The following KHDRBS2 variants were observed in gnomAD, a reference collection of about 807,000 sequenced individuals.
The protein encoded by KHDRBS2 is KH RNA binding domain containing, signal transduction associated 2.
In KHDRBS2, 26 loss-of-function variants were observed where a neutral mutation model predicts 44.3. The ratio of observed to expected loss-of-function variants is 0.59; its 90% CI spans 0.43 to 0.81. The LOEUF is 0.81. Among genes scored for constraint, KHDRBS2 ranks in the 40% least tolerant of loss-of-function variants. The pLI is 0.00. For missense variants in KHDRBS2, 476 were observed against 433.1 expected (o/e 1.10, Z -0.88); for synonymous variants, 194 against 151.1 (o/e 1.28, Z -2.08).
chr6:61,795,442 G>A (rs2127587183), intron 6 of KHDRBS2, among the ~76,000 whole-genome samples: 4 of 151,818 alleles, frequency 2.6e-5, no homozygotes, highest in South Asian at 4.1e-4. Context: ...TATACACTAA[G>A]AGCTGTGTTT....
At chr6:62,071,868 T>C (rs1562788813) in intron 2 of KHDRBS2, among the ~76,000 whole-genome samples, 1 of 152,176 alleles carries the variant, frequency 6.6e-6, no homozygotes, top group Non-Finnish European at 1.5e-5. Context: ...TTTTTTCCAA[T>C]TCTGTGAAGA....
chr6:62,240,672 G>GTGTATATATATATATATATA (rs1252806819), intron 1 of KHDRBS2, among the ~76,000 whole-genome samples: 1 of 64,164 alleles, frequency 1.6e-5, no homozygotes, highest in Non-Finnish European at 3.1e-5. Flanking sequence ...ATGTGTGTGT[G>GTGTATATATATATATATATA]TATATATATA....
chr6:62,270,187 A>C (rs1166169848), intron 1 of KHDRBS2, among the ~76,000 whole-genome samples: 6 of 151,746 alleles, frequency 4.0e-5, no homozygotes, highest in Admixed American at 3.9e-4. Flanking sequence ...ATCCCTCATT[A>C]ATGGCTTGGT....
chr6:61,830,375 C>T (rs1450670850), intron 6 of KHDRBS2, among the ~76,000 whole-genome samples: 2 of 152,166 alleles, frequency 1.3e-5, no homozygotes, highest in Non-Finnish European at 2.9e-5. Flanking sequence ...TGATACCTAT[C>T]TAAGTCTTCT....
At chr6:61,671,619 C>T in the KHDRBS2 span, among the ~76,000 whole-genome samples, 1 of 151,572 alleles carries the variant, frequency 6.6e-6, no homozygotes, top group Non-Finnish European at 1.5e-5. Flanking sequence ...AAAACTGGTA[C>T]CTGTTACCAA....
intron 1 of KHDRBS2, among the ~76,000 whole-genome samples, chr6:62,214,742 CACAT>C (rs1829686422): frequency 1.3e-5 from 2 of 151,976 alleles, no homozygotes; most frequent in Admixed American, 1.3e-4. Flanking sequence ...AAGTCTCTGT[CACAT>C]ACAGATTTTA....
intron 3 of KHDRBS2, among the ~76,000 whole-genome samples, chr6:62,032,535 T>C (rs1021336106): frequency 1.3e-5 from 2 of 149,532 alleles, no homozygotes; most frequent in Non-Finnish European, 3.0e-5. Flanking sequence ...TATTCATATA[T>C]ATACATATAT....
chr6:62,129,235 T>C (rs753046028), intron 2 of KHDRBS2, among the ~76,000 whole-genome samples: 33 of 152,178 alleles, frequency 2.2e-4, no homozygotes, highest in Non-Finnish European at 4.0e-4. Flanking sequence ...CAACAAGTTA[T>C]ATACTTGATT....
At chr6:61,964,170 T>A (rs1005694593) in intron 4 of KHDRBS2, among the ~76,000 whole-genome samples, 3 of 152,074 alleles carry the variant, frequency 2.0e-5, no homozygotes, top group Admixed American at 1.3e-4. Context: ...GATTTATCAC[T>A]TACAGTTTGT....
intron 4 of KHDRBS2, among the ~76,000 whole-genome samples, chr6:61,933,667 G>A (rs1413697819): frequency 6.6e-6 from 1 of 152,124 alleles, no homozygotes; most frequent in Non-Finnish European, 1.5e-5. Context: ...ATTGAAAACG[G>A]TAGGCAACTG....
At chr6:61,944,270 G>C (rs1812755165) in intron 4 of KHDRBS2, among the ~76,000 whole-genome samples, 1 of 152,124 alleles carries the variant, frequency 6.6e-6, no homozygotes, top group Non-Finnish European at 1.5e-5. Flanking sequence ...GTGTCCATCA[G>C]TGAACAGACG....
intron 3 of KHDRBS2, among the ~76,000 whole-genome samples, chr6:61,998,046 A>C (rs1777550706): frequency 6.6e-6 from 1 of 152,160 alleles, no homozygotes; most frequent in African/African-American, 2.4e-5. Context: ...TTTAAACCTG[A>C]ATTATAGGTA....
chr6:62,117,597 C>T (rs1203481546), intron 2 of KHDRBS2, among the ~76,000 whole-genome samples: 1 of 152,022 alleles, frequency 6.6e-6, no homozygotes, highest in East Asian at 1.9e-4. Flanking sequence ...TCTGCAGAAG[C>T]TCTTTAGCTT....
intron 6 of KHDRBS2, among the ~76,000 whole-genome samples, chr6:61,829,856 C>A (rs984068820): frequency 4.9e-4 from 75 of 152,204 alleles, no homozygotes; most frequent in African/African-American, 1.7e-3. Context: ...AGTGAGAGAA[C>A]AAAAGGTGTC....
the KHDRBS2 span, among the ~76,000 whole-genome samples, chr6:61,550,830 G>A: frequency 7.1e-6 from 1 of 141,184 alleles, no homozygotes; most frequent in East Asian, 2.3e-4. Flanking sequence ...CTGGAGTGTA[G>A]TGCATGATCT....
chr6:62,072,158 A>C (rs1242401312), intron 2 of KHDRBS2, among the ~76,000 whole-genome samples: 2 of 152,176 alleles, frequency 1.3e-5, no homozygotes, highest in African/African-American at 4.8e-5. Context: ...TTATTGGTGT[A>C]TAAGAGTGCT....
In KHDRBS2 at chr6:61,885,767, G is replaced by C. The variant is rs557387235; in HGVS notation, c.810+8868C>G. Among the ~76,000 whole-genome samples, 9 of 152,200 alleles carry C rather than the reference G, an allele frequency of 5.9e-5. No homozygotes were observed. The East Asian group carries it at 1.7e-3, about 29-fold the overall frequency. On this transcript the variant is annotated intron_variant, in intron 6 of 8. Transcript: ENST00000281156. ...AAATACCTTACTTTTGCAACAAAGA[G>C]AGATGACCATGTAAACACATTTATA...
chr6:62,240,670 G>GTGTA lies in KHDRBS2; in HGVS notation c.91+45184_91+45187dup, dbSNP rs1389140084. Among the ~76,000 whole-genome samples, 6 of 62,512 alleles carry GTGTA rather than the reference G, an allele frequency of 9.6e-5. No homozygotes were observed. The South Asian group carries it at 1.5e-3, about 15-fold the overall frequency. 41.0% of individuals were successfully genotyped at this position (62,512 alleles called of 152,430 possible). ...TGTGTATGTGTGTATGTATGTGTGT[G>GTGTA]TGTATATATATATATATATATATAT... On this transcript the variant is annotated intron_variant, in intron 1 of 8. Transcript: ENST00000281156.
At chr6:61,571,030 G>T in the KHDRBS2 span, among the ~76,000 whole-genome samples, 6 of 151,736 alleles carry the variant, frequency 4.0e-5, no homozygotes, top group Non-Finnish European at 7.4e-5. Context: ...AGGTATTAAG[G>T]CAACAACTAG....
Sources: gnomAD v4.1 joint callset for allele counts (sites outside exome capture counted in the v4.1 genomes callset) on GRCh38, gnomAD v4.1.1 for gene constraint, MANE v1.5 for transcripts, NCBI Gene and HGNC (gene_info 2026-07-23, HGNC 2026-07-21) for gene names.